Variants in SORCS2 observed in about 807,000 individuals in gnomAD.
The protein encoded by SORCS2 is sortilin related VPS10 domain containing receptor 2, also known as VPS10 domain-containing receptor SorCS2.
In SORCS2, 100 loss-of-function variants were observed where a neutral mutation model predicts 141.6. That is an observed-to-expected ratio of 0.71 (90% CI 0.60 to 0.83). The LOEUF (loss-of-function observed/expected upper bound fraction) is 0.83. SORCS2 is among the 40% of genes least tolerant of loss of function. The pLI, the probability that SORCS2 is intolerant of heterozygous loss-of-function variation, is 0.00. For missense variants in SORCS2, 1,646 were observed against 1,560.2 expected (o/e 1.05, Z -0.93); for synonymous variants, 789 against 676.9 (o/e 1.17, Z -2.57).
chr4:7,548,294 G>A (rs899780393), intron 3 of SORCS2, among the ~76,000 whole-genome samples: 1 of 152,166 alleles, frequency 6.6e-6, no homozygotes, highest in Non-Finnish European at 1.5e-5. Flanking sequence ...TCTCTGCAGG[G>A]CTAATCCTTG....
Position 7,724,577 on chromosome 4 carries a change from TG to T in SORCS2, c.2612-576del, listed in dbSNP as rs1274817176. Among the ~76,000 whole-genome samples the T allele has an allele frequency of 2.3e-4, 15 of 64,692 alleles. No homozygotes were observed. The East Asian group carries it at 0.01, about 44-fold the overall frequency. The allele number at this position is 64,692 out of a possible 152,430, so 42.4% of individuals were successfully genotyped here. A position where few individuals can be genotyped will look rare whatever the true frequency, so the allele number is the denominator to read the frequency against. On this transcript the variant is annotated intron_variant, in intron 19 of 26. Transcript: ENST00000507866. Reference sequence around the variant, plus strand: ...TGGGAATGGATGGTGGTGGTGATGGTGATGGTGGTGGTGTTGGTGATGGTGG... The same window carrying T: ...TGGGAATGGATGGTGGTGGTGATGGTATGGTGGTGGTGTTGGTGATGGTGG...
intron 2 of SORCS2, among the ~76,000 whole-genome samples, chr4:7,463,321 C>T (rs1729425421): frequency 1.3e-5 from 2 of 152,166 alleles, no homozygotes; most frequent in South Asian, 2.1e-4. Context: ...TGAAACTGGA[C>T]ATAGTCCAGC....
chr4:7,293,339 C>T (rs1374415209), intron 1 of SORCS2, among the ~76,000 whole-genome samples: 1 of 152,026 alleles, frequency 6.6e-6, no homozygotes, highest in Non-Finnish European at 1.5e-5. Flanking sequence ...TTGAGATGTC[C>T]CAGCCACCAC....
chr4:7,346,721 G>C (rs577982715), intron 1 of SORCS2, among the ~76,000 whole-genome samples: 1 of 152,274 alleles, frequency 6.6e-6, no homozygotes, highest in Non-Finnish European at 1.5e-5. Context: ...TATGTTGTTA[G>C]GTGCATATAT....
chr4:7,429,143 T>G (rs1726654460), intron 2 of SORCS2, among the ~76,000 whole-genome samples: 1 of 152,130 alleles, frequency 6.6e-6, no homozygotes, highest in Non-Finnish European at 1.5e-5. Context: ...CATGCGTGAG[T>G]GTGTGCATGG....
rs1003121805 is a variant in SORCS2 at position 7,605,400 on chromosome 4, C to T, written c.649-32928C>T. 5.9e-5 allele frequency among the ~76,000 whole-genome samples: 9 copies of T among 152,036 alleles called. No individual in the cohort carries two copies. In the South Asian group the frequency reaches 6.2e-4, roughly 11 times the overall value. ...TGGCTGTATTGGGAGTTCTGTTCTTCGAGGAAAGGATAGGTGTTGGGGGGC... is the reference window on the plus strand; with the variant it reads ...TGGCTGTATTGGGAGTTCTGTTCTTTGAGGAAAGGATAGGTGTTGGGGGGC... On this transcript the variant is annotated intron_variant, in intron 3 of 26. Coordinates refer to ENST00000507866, the MANE Select transcript of SORCS2 (RefSeq NM_020777.3).
chr4:7,220,944 A>AT, intron 1 of SORCS2, among the ~76,000 whole-genome samples: 1 of 152,316 alleles, frequency 6.6e-6, no homozygotes, highest in Non-Finnish European at 1.5e-5. Flanking sequence ...AAAAGGAATG[A>AT]TTTTTCAAAA....
At chr4:7,256,651 G>C (rs1015438149) in intron 1 of SORCS2, among the ~76,000 whole-genome samples, 1 of 151,656 alleles carries the variant, frequency 6.6e-6, no homozygotes, top group African/African-American at 2.4e-5. Context: ...CCAAATCTCG[G>C]ATGCGAACGT....
rs532054507 is a variant in SORCS2, at chr4:7,373,204, G to A, written c.481-23084G>A. Among the ~76,000 whole-genome samples the A allele has an allele frequency of 1.6e-4, 24 of 151,546 alleles. 1 individual carries two copies. In the South Asian group the frequency reaches 4.6e-3, roughly 29 times the overall value. On this transcript the variant is annotated intron_variant, in intron 1 of 26. Coordinates refer to ENST00000507866, the MANE Select transcript of SORCS2 (RefSeq NM_020777.3). ...TGTCCTTTTGCATTCCCAACACCAA[G>A]GTATGAGAGTTCTGGTTGCTCCACG... is the stretch of plus-strand genomic sequence containing the variant.
chr4:7,701,564 G>T (rs1460387632), intron 12 of SORCS2, among the ~76,000 whole-genome samples: 1 of 152,194 alleles, frequency 6.6e-6, no homozygotes, highest in African/African-American at 2.4e-5. Context: ...GGTAGGATTT[G>T]GGCTTGACTG....
At chr4:7,602,888 A>C (rs558936701) in intron 3 of SORCS2, among the ~76,000 whole-genome samples, 281 of 152,362 alleles carry the variant, frequency 1.8e-3, no homozygotes, top group Non-Finnish European at 2.9e-3. Context: ...TGAGTGAGCG[A>C]GACTCCGTCT....
chr4:7,393,203 C>T (rs756594795), intron 1 of SORCS2, among the ~76,000 whole-genome samples: 4 of 152,224 alleles, frequency 2.6e-5, no homozygotes, highest in Non-Finnish European at 5.9e-5. Context: ...TCCTGGCCGT[C>T]TGGGAAAGAT....
chr4:7,472,366 G>A (rs1412294988), intron 2 of SORCS2, among the ~76,000 whole-genome samples: 3 of 152,160 alleles, frequency 2.0e-5, no homozygotes, highest in African/African-American at 7.2e-5. Flanking sequence ...GGGCAGAGGA[G>A]CAGGGGTCCA....
intron 1 of SORCS2, among the ~76,000 whole-genome samples, chr4:7,387,819 GAGAT>G (rs1560241944): frequency 2.0e-5 from 1 of 49,094 alleles, no homozygotes; most frequent in Non-Finnish European, 3.6e-5. Flanking sequence ...CACAGATACA[GAGAT>G]ACACATGCAC....
At chr4:7,608,235 A>C (rs973708693) in intron 3 of SORCS2, among the ~76,000 whole-genome samples, 3 of 152,164 alleles carry the variant, frequency 2.0e-5, no homozygotes, top group Admixed American at 6.5e-5. Flanking sequence ...AGCAGATGGC[A>C]GTGGGGCTGG....
chr4:7,377,864 C>A (rs1722758290), intron 1 of SORCS2, among the ~76,000 whole-genome samples: 1 of 152,186 alleles, frequency 6.6e-6, no homozygotes, highest in African/African-American at 2.4e-5. Context: ...GAATCGTTCC[C>A]GTCCTCGTCC....
At chr4:7,384,621 C>T (rs879383864) in intron 1 of SORCS2, among the ~76,000 whole-genome samples, 2 of 152,206 alleles carry the variant, frequency 1.3e-5, no homozygotes, top group Non-Finnish European at 2.9e-5. Flanking sequence ...ATCTCTCAAC[C>T]CAGCTGAACG....
At chr4:7,695,728 A>ATTGG (rs1724627234) in intron 11 of SORCS2, among the ~76,000 whole-genome samples, 1 of 40,466 alleles carries the variant, frequency 2.5e-5, no homozygotes, top group African/African-American at 1.1e-4. Context: ...GGATGGATGG[A>ATTGG]TGGATTGGTG....
rs543465963 is a variant in SORCS2 at position 7,657,068 on chromosome 4, G to T, written c.887+2861G>T. Among the ~76,000 whole-genome samples the T allele has an allele frequency of 5.3e-5, 8 of 152,312 alleles. No homozygotes were observed. The East Asian group carries it at 1.5e-3, about 29-fold the overall frequency. On this transcript the variant is annotated intron_variant, in intron 5 of 26. Coordinates refer to ENST00000507866, the MANE Select transcript of SORCS2 (RefSeq NM_020777.3). ...CTTTATCTGAGTTGTTAGAAATACGGTCTAACAGAGTCTTCAAAACCTATG... is the reference window on the plus strand; with the variant it reads ...CTTTATCTGAGTTGTTAGAAATACGTTCTAACAGAGTCTTCAAAACCTATG...
Sources: allele counts gnomAD v4.1 joint callset (sites outside exome capture counted in the v4.1 genomes callset), GRCh38; gene constraint gnomAD v4.1.1; transcripts MANE v1.5; gene names NCBI Gene and HGNC (gene_info 2026-07-23, HGNC 2026-07-21).